Variants in SLC6A14 observed in about 807,000 individuals in gnomAD.
SLC6A14 encodes the protein sodium- and chloride-dependent neutral and basic amino acid transporter B(0+).
A neutral mutation model predicts 51.4 loss-of-function variants in SLC6A14; 21 were observed. The observed-to-expected ratio is 0.41, with a 90% CI of 0.29 to 0.59. The LOEUF (loss-of-function observed/expected upper bound fraction) is 0.59. Among genes scored for constraint, SLC6A14 ranks in the 20% least tolerant of loss-of-function variants. SLC6A14 has a pLI of 0.31. For missense variants in SLC6A14, 371 were observed against 472.8 expected (o/e 0.78, Z 2.00); for synonymous variants, 177 against 160.7 (o/e 1.10, Z -0.77).
Position 116,459,026 on chromosome X carries a change from G to T in SLC6A14, c.*71G>T. The T allele has an allele frequency of 2.3e-6, 2 of 888,472 alleles. No individual in the cohort carries two copies. The highest frequency in any genetic ancestry group is 3.1e-6 in the Non-Finnish European group (2 of 638,708). 73.2% of individuals were successfully genotyped at this position (888,472 alleles called of 1,213,427 possible). A position where few individuals can be genotyped will look rare whatever the true frequency, so the allele number is the denominator to read the frequency against. On this transcript the variant is annotated 3_prime_UTR_variant, in exon 14 of 14. Coordinates refer to ENST00000598581, the MANE Select transcript of SLC6A14 (RefSeq NM_007231.5). ...AGAATAGGGGGAACCTTATTTATTT[G>T]TGTGTTAACTGAATAGGAAAATGTA...
intron 7 of SLC6A14, 117 bp from the exon 8 acceptor site, chrX:116,451,325 G>A: frequency 2.0e-6 from 1 of 504,313 alleles, no homozygotes; most frequent in African/African-American, 2.4e-5. Context: ...TGAGTAGTGG[G>A]CATTTGGGTG....
intron 3 of SLC6A14, 83 bp downstream of exon 3, chrX:116,441,180 C>A (rs1927590027): frequency 2.1e-6 from 2 of 961,310 alleles, no homozygotes; most frequent in African/African-American, 2.0e-5. Context: ...GCTACCTTCA[C>A]TGTGAGGAAC....
In SLC6A14 at chrX:116,443,692, C is replaced by G; in HGVS notation, c.558C>G (p.Ile186Met). 3 of 1,198,335 alleles carry G rather than the reference C, an allele frequency of 2.5e-6. No individual in the cohort carries two copies. The highest frequency in any genetic ancestry group is 3.4e-6 in the Non-Finnish European group (3 of 885,038). The change falls in exon 5 of 14, where the codon ATC (isoleucine) becomes ATG (methionine). Residue 186 changes from isoleucine (I) to methionine (M), a missense_variant. Around this residue, in one of 2 missense-constraint regions of SLC6A14, gnomAD observed 277 missense variants for 391.8 expected, o/e 0.71. Coordinates refer to ENST00000598581, the MANE Select transcript of SLC6A14 (RefSeq NM_007231.5). ...TGAATAAAGGAATACAAGAGATCAT[C>G]CAAATGAATAAAAGCTGGGTAGACA... ...STVNKGIQEI[I>M]QMNKSWVDIN... is the part of the protein sequence containing the mutation.
chrX:116,447,447 C>G (rs12720083), intron 7 of SLC6A14, among the ~76,000 whole-genome samples: 1 of 110,599 alleles, frequency 9.0e-6, no homozygotes, highest in African/African-American at 3.3e-5. Flanking sequence ...AATTGGGTAA[C>G]CCTATTTCAA....
At chrX:116,452,873 G>T (rs1484517058) in intron 8 of SLC6A14, 144 bp from the exon 9 acceptor site, 1 of 395,617 alleles carries the variant, frequency 2.5e-6, no homozygotes, top group Non-Finnish European at 4.1e-6. Context: ...TGTAAAAAGG[G>T]AATGTGAAAT....
intron 7 of SLC6A14, among the ~76,000 whole-genome samples, chrX:116,448,469 A>G (rs1196122588): frequency 8.9e-6 from 1 of 112,038 alleles, no homozygotes; most frequent in African/African-American, 3.2e-5. Context: ...GATGGTGAAT[A>G]AGAAACAAAT....
intron 7 of SLC6A14, 116 bp downstream of exon 7, chrX:116,446,997 G>T: frequency 1.8e-6 from 1 of 563,824 alleles, no homozygotes; most frequent in South Asian, 4.8e-5. Flanking sequence ...ATAATATACA[G>T]TTAAATTTAT....
chrX:116,457,987 G>A (rs1193914110), intron 13 of SLC6A14, among the ~76,000 whole-genome samples: 2 of 111,589 alleles, frequency 1.8e-5, no homozygotes, highest in Admixed American at 1.9e-4. Flanking sequence ...CTCTATGCTA[G>A]ACTATAAGCT....
Position 116,446,790 on chromosome X carries a change from T to C in SLC6A14, c.839T>C (p.Leu280Ser), listed in dbSNP as rs1927723181. ...CCCTATGTGGTCCTACTCATCCTGT[T>C]AGTACGAGGTGCAACTCTGGAGGGT... ...LFPYVVLLIL[L>S]VRGATLEGAS... The change falls in exon 7 of 14, where the codon TTA becomes TCA. Residue 280 changes from leucine (L) to serine (S), a missense_variant. Around this residue, in one of 2 missense-constraint regions of SLC6A14, gnomAD observed 277 missense variants for 391.8 expected, o/e 0.71. Coordinates refer to ENST00000598581, the MANE Select transcript of SLC6A14 (RefSeq NM_007231.5). 1 of 1,198,486 alleles carries C rather than the reference T, an allele frequency of 8.3e-7. No homozygotes were observed. Among genetic ancestry groups the C allele is most frequent in the South Asian group, 1.8e-5 (1 of 56,523 alleles).
intron 8 of SLC6A14, among the ~76,000 whole-genome samples, chrX:116,452,026 TGA>T (rs1384594965): frequency 1.8e-5 from 2 of 111,724 alleles, no homozygotes; most frequent in Non-Finnish European, 3.8e-5. Context: ...ATCATATAGG[TGA>T]GAGAGTCAAG....
At position 116,459,232 on chromosome X, in the gene SLC6A14, A is replaced by G. The variant is rs1927995015; in HGVS notation, c.*277A>G. On this transcript the variant is annotated 3_prime_UTR_variant, in exon 14 of 14. Transcript: ENST00000598581. ...TCACAATTATATTTTTGTAAATAGT[A>G]TATGCATTTTTAATACATTGGAGGC... 2.5e-5 allele frequency: 5 copies of G among 198,420 alleles called. No homozygotes were observed. The East Asian group carries it at 4.6e-4, about 18-fold the overall frequency. The allele number at this position is 198,420 out of a possible 1,213,427, so 16.4% of individuals were successfully genotyped here. A position where few individuals can be genotyped will look rare whatever the true frequency, so the allele number is the denominator to read the frequency against.
At position 116,453,146 on chromosome X, in the gene SLC6A14, A is replaced by C. The variant is rs782305744; in HGVS notation, c.1285+4A>C. On this transcript the variant is annotated splice_donor_region_variant and intron_variant, in intron 9 of 13. Transcript: ENST00000598581. ...GATTCTCAGTTTGCTTCGATTGGTA[A>C]GTAATACTTCCAGTGGTAACATATT... The C allele has an allele frequency of 8.4e-7, 1 of 1,189,696 alleles. No individual in the cohort carries two copies. The highest frequency in any genetic ancestry group is 3.0e-5 in the East Asian group (1 of 33,084).
At position 116,437,867 on chromosome X, in the gene SLC6A14, A is replaced by G. The variant is rs1267994588; in HGVS notation, c.126A>G (p.Lys42=). 8 of 1,205,133 alleles carry G rather than the reference A, an allele frequency of 6.6e-6. No individual in the cohort carries two copies. The highest frequency in any genetic ancestry group is 5.3e-5 in the African/African-American group (3 of 57,085). ...AGGACCGTGGTAACTGGTCCAAAAA[A>G]TCGGATTATCTTCTATCTATGATTG... is the stretch of plus-strand genomic sequence containing the variant. ...ENQDRGNWSK[K]SDYLLSMIGY... The change falls in exon 2 of 14, where the codon AAA becomes AAG. Residue 42 remains lysine (K), a synonymous_variant. Transcript: ENST00000598581.
rs112076652 is a variant in SLC6A14, at chrX:116,440,896, T to C, written c.215-70T>C. 1.5e-3 allele frequency: 1,667 copies of C among 1,123,823 alleles called. 18 individuals carry two copies. The African/African-American group carries it at 0.027, about 18-fold the overall frequency. 92.6% of individuals were successfully genotyped at this position (1,123,823 alleles called of 1,213,427 possible). On this transcript the variant is annotated intron_variant, in intron 2 of 13. Coordinates refer to ENST00000598581, the MANE Select transcript of SLC6A14 (RefSeq NM_007231.5). The stretch of plus-strand genomic sequence containing the variant: ...ATATCAGGATGCTTTTAAAGTGTTA[T>C]GCTGGTTGTCAAAGTGCCATCAAGA...
intron 7 of SLC6A14, among the ~76,000 whole-genome samples, chrX:116,448,252 C>CT (rs1291340114): frequency 8.9e-6 from 1 of 111,865 alleles, no homozygotes; most frequent in African/African-American, 3.2e-5. Flanking sequence ...CTTTGGTTAC[C>CT]TTTTTTTGTG....
Position 116,437,564 on chromosome X carries a change from A to T in SLC6A14, c.49-226A>T, listed in dbSNP as rs5952174. Among the ~76,000 whole-genome samples, 17 of 110,801 alleles carry T rather than the reference A, an allele frequency of 1.5e-4. No individual in the cohort carries two copies. In the East Asian group the frequency reaches 4.8e-3, roughly 32 times the overall value. On this transcript the variant is annotated intron_variant, in intron 1 of 13. Coordinates refer to ENST00000598581, the MANE Select transcript of SLC6A14 (RefSeq NM_007231.5). Reference sequence around the variant, plus strand: ...TTGAATAATCTTAGCTGATGGAGTAATAAACATATCTACCTACAGAACTTT... The same window carrying T: ...TTGAATAATCTTAGCTGATGGAGTATTAAACATATCTACCTACAGAACTTT...
Position 116,440,990 on chromosome X carries a change from T to C in SLC6A14, c.239T>C (p.Ile80Thr). Reference sequence around the variant, plus strand: ...GGCGCCTTCTTGATACCTTATGCAATTATGTTAGCATTGGCTGGTTTACCT... The same window carrying C: ...GGCGCCTTCTTGATACCTTATGCAACTATGTTAGCATTGGCTGGTTTACCT... ...GGGAFLIPYA[I>T]MLALAGLPLF... The change falls in exon 3 of 14, where the codon ATT (isoleucine) becomes ACT (threonine). Residue 80 changes from isoleucine to threonine, a missense_variant. Physicochemically the swap from Ile to Thr is moderately conservative, Grantham distance 89. This residue lies in a region of SLC6A14 where 277 missense variants were observed against 391.8 expected (regional missense o/e 0.71). Transcript: ENST00000598581. 8.3e-7 allele frequency: 1 copy of C among 1,210,596 alleles called. No individual in the cohort carries two copies. Among genetic ancestry groups the C allele is most frequent in the Non-Finnish European group, 1.1e-6 (1 of 894,626 alleles).
chrX:116,446,806 T>G lies in SLC6A14; in HGVS notation c.855T>G (p.Thr285=). The G allele has an allele frequency of 1.7e-6, 2 of 1,205,327 alleles. No homozygotes were observed. The highest frequency in any genetic ancestry group is 1.1e-6 in the Non-Finnish European group (1 of 889,889). ...TCATCCTGTTAGTACGAGGTGCAAC[T>G]CTGGAGGGTGCTTCAAAAGGCATTT... ...VLLILLVRGA[T]LEGASKGISY... is the part of the protein sequence containing the mutation. Residue 285 remains threonine (T), a synonymous_variant, in exon 7 of 14, where the codon ACT becomes ACG. Coordinates refer to ENST00000598581, the MANE Select transcript of SLC6A14 (RefSeq NM_007231.5).
At chrX:116,458,551 A>T (rs1927977395) in intron 13 of SLC6A14, among the ~76,000 whole-genome samples, 1 of 111,601 alleles carries the variant, frequency 9.0e-6, no homozygotes, top group Admixed American at 9.5e-5. Flanking sequence ...CTTGTTTTGA[A>T]ATCATTTACT....
Sources: gnomAD v4.1 joint callset for allele counts (sites outside exome capture counted in the v4.1 genomes callset) on GRCh38, gnomAD v4.1.1 for gene constraint, gnomAD v4.1.1 regional missense constraint, MANE v1.5 for transcripts, NCBI Gene and HGNC (gene_info 2026-07-23, HGNC 2026-07-21) for gene names.